BAZ2B: variants seen among roughly 807,000 people sequenced by gnomAD.
The protein encoded by BAZ2B is bromodomain adjacent to zinc finger domain protein 2B.
BAZ2B carries 91 observed loss-of-function variants against 246.0 expected under a neutral mutation model. The ratio of observed to expected loss-of-function variants is 0.37; its 90% CI spans 0.31 to 0.44. BAZ2B has a LOEUF of 0.44. BAZ2B is among the 20% of genes least tolerant of loss of function. BAZ2B has a pLI of 1.00. For synonymous variants in BAZ2B, 855 were observed against 860.0 expected, an observed-to-expected ratio of 0.99 and a Z score of 0.10; for missense variants, 2,332 against 2,533.7, an observed-to-expected ratio of 0.92 and a Z score of 1.71.
At chr2:159,483,575 G>A (rs1484337995) in intron 2 of BAZ2B, among the ~76,000 whole-genome samples, 1 of 152,078 alleles carries the variant, frequency 6.6e-6, no homozygotes, top group Admixed American at 6.6e-5. Context: ...TCAGGAGTTC[G>A]AGACCAGCCT....
chr2:159,540,814 T>C (rs1243125701), intron 2 of BAZ2B, among the ~76,000 whole-genome samples: 3 of 152,176 alleles, frequency 2.0e-5, no homozygotes, highest in Non-Finnish European at 2.9e-5. Context: ...AACTGAAAAG[T>C]AGAAGAAATC....
At chr2:159,418,196 A>G (rs576087144) in intron 13 of BAZ2B, among the ~76,000 whole-genome samples, 1 of 152,366 alleles carries the variant, frequency 6.6e-6, no homozygotes, top group South Asian at 2.1e-4. Flanking sequence ...CAACTTTTTT[A>G]TGACTTATAA....
At chr2:159,648,944 T>TAAG in the BAZ2B span, among the ~76,000 whole-genome samples, 1 of 152,172 alleles carries the variant, frequency 6.6e-6, no homozygotes, top group Non-Finnish European at 1.5e-5. Context: ...CAACAGTGAA[T>TAAG]AAGTACTCCA....
chr2:159,658,558 C>T, the BAZ2B span, among the ~76,000 whole-genome samples: 5 of 152,114 alleles, frequency 3.3e-5, no homozygotes, highest in East Asian at 7.7e-4. Flanking sequence ...TGCTCTGTTG[C>T]CCAGGATGGA....
chr2:159,551,823 CAGATA>C (rs1233127971), intron 2 of BAZ2B, among the ~76,000 whole-genome samples: 3 of 152,130 alleles, frequency 2.0e-5, no homozygotes, highest in Non-Finnish European at 4.4e-5. Flanking sequence ...AGTAACTTTA[CAGATA>C]TTGATGAGTA....
chr2:159,612,760 C>T (rs1281778921), intron 1 of BAZ2B, among the ~76,000 whole-genome samples: 1 of 152,092 alleles, frequency 6.6e-6, no homozygotes, highest in Non-Finnish European at 1.5e-5. Flanking sequence ...TCCATGAAAT[C>T]AACCAGCTGT....
upstream of BAZ2B, among the ~76,000 whole-genome samples, chr2:159,620,924 G>A (rs1696406913): frequency 6.6e-6 from 1 of 152,194 alleles, no homozygotes; most frequent in Non-Finnish European, 1.5e-5. Context: ...GCAAATGATA[G>A]ACTGTAGTAT....
chr2:159,692,869 A>C, the BAZ2B span, among the ~76,000 whole-genome samples: 5 of 152,324 alleles, frequency 3.3e-5, no homozygotes, highest in African/African-American at 4.8e-5. Context: ...CAGTAGTACT[A>C]TCGAGTACAA....
At chr2:159,347,976 C>T (rs928096466) in intron 30 of BAZ2B, among the ~76,000 whole-genome samples, 2 of 152,026 alleles carry the variant, frequency 1.3e-5, no homozygotes, top group Non-Finnish European at 2.9e-5. Context: ...TCTAGGACCC[C>T]CTCTGCCCCC....
chr2:159,443,070 A>T (rs11892347), intron 6 of BAZ2B, among the ~76,000 whole-genome samples: 1 of 151,912 alleles, frequency 6.6e-6, no homozygotes, highest in Non-Finnish European at 1.5e-5. Flanking sequence ...TGCAGAATCA[A>T]ATGGTAATTC....
intron 28 of BAZ2B, 116 bp from the exon 29 acceptor site, chr2:159,349,396 A>G (rs930992080): frequency 3.6e-6 from 4 of 1,119,550 alleles, no homozygotes; most frequent in South Asian, 1.8e-5. Flanking sequence ...ATTTATTACA[A>G]TTACAGGAAA....
At chr2:159,323,526 G>A (rs2063007403) in intron 36 of BAZ2B, among the ~76,000 whole-genome samples, 1 of 152,006 alleles carries the variant, frequency 6.6e-6, no homozygotes, top group Non-Finnish European at 1.5e-5. Flanking sequence ...AAAGAGGCTG[G>A]GTGAGGTGGT....
intron 3 of BAZ2B, chr2:159,464,610 G>C (rs1053251000): frequency 6.6e-6 from 1 of 152,128 alleles, no homozygotes; most frequent in Non-Finnish European, 1.5e-5. Flanking sequence ...AAGTCACTGG[G>C]AGCCGCGGTA....
At chr2:159,701,879 T>C in the BAZ2B span, among the ~76,000 whole-genome samples, 10,043 of 151,788 alleles carry the variant, frequency 0.066, 431 homozygotes, top group Middle Eastern at 0.19. Flanking sequence ...CAGGCGCACA[T>C]CACCACACCC....
At chr2:159,543,804 G>C (rs929670891) in intron 2 of BAZ2B, among the ~76,000 whole-genome samples, 2 of 152,126 alleles carry the variant, frequency 1.3e-5, no homozygotes, top group African/African-American at 2.4e-5. Context: ...AAAGTGCTGG[G>C]ATTACAGGCA....
chr2:159,604,075 T>C (rs1692817590), intron 1 of BAZ2B, among the ~76,000 whole-genome samples: 3 of 16,128 alleles, frequency 1.9e-4, no homozygotes, highest in South Asian at 0.016. Flanking sequence ...AAATACATTT[T>C]TAATTTTAAA....
At chr2:159,344,056 A>T (rs2067283345) in intron 31 of BAZ2B, among the ~76,000 whole-genome samples, 1 of 151,122 alleles carries the variant, frequency 6.6e-6, no homozygotes, top group Non-Finnish European at 1.5e-5. Context: ...GAAAAAAAAA[A>T]AAATGAGATG....
intron 2 of BAZ2B, among the ~76,000 whole-genome samples, chr2:159,483,067 A>G (rs147320475): frequency 6.6e-6 from 1 of 152,164 alleles, no homozygotes; most frequent in Non-Finnish European, 1.5e-5. Flanking sequence ...ACCAGCCTAG[A>G]TATCACAGGA....
chr2:159,662,159 G>T, the BAZ2B span, among the ~76,000 whole-genome samples: 79 of 152,166 alleles, frequency 5.2e-4, no homozygotes, highest in African/African-American at 1.9e-3. Flanking sequence ...CTGCACTGTA[G>T]CATGCACCAC....
Sources: gnomAD v4.1 joint callset for allele counts (sites outside exome capture counted in the v4.1 genomes callset) on GRCh38, gnomAD v4.1.1 for gene constraint, MANE v1.5 for transcripts, NCBI Gene and HGNC (gene_info 2026-07-23, HGNC 2026-07-21) for gene names.